The following CRYM variants were observed in gnomAD, a reference collection of about 807,000 sequenced individuals.
The protein encoded by CRYM is crystallin mu.
A neutral mutation model predicts 32.9 loss-of-function variants in CRYM; 18 were observed. The observed-to-expected ratio is 0.55, with a 90% confidence interval of 0.38 to 0.81. The LOEUF (loss-of-function observed/expected upper bound fraction) is 0.81. Among genes scored for constraint, CRYM ranks in the 30% least tolerant of loss-of-function variants. CRYM has a pLI of 0.00. For synonymous variants in CRYM, 153 were observed against 152.4 expected (o/e 1.00, Z -0.03); for missense variants, 337 against 393.5 (o/e 0.86, Z 1.21).
chr16:21,294,521 G>A (rs1960745086), intron 1 of CRYM, among the ~76,000 whole-genome samples: 2 of 151,734 alleles, frequency 1.3e-5, no homozygotes, highest in South Asian at 4.2e-4. Flanking sequence ...CCCCCTGACA[G>A]GTCTCAGTGT....
In CRYM at chr16:21,278,077, C is replaced by T; in HGVS notation, c.170+5G>A. 1.3e-6 allele frequency: 2 copies of T among 1,543,638 alleles called. No individual in the cohort carries two copies. Among genetic ancestry groups the T allele is most frequent in the Non-Finnish European group, 1.7e-6 (2 of 1,146,630 alleles). The stretch of plus-strand genomic sequence containing the variant: ...CTGCCCCTGACCCCGACCCTCCTCA[C>T]TCACCCCCTGTGCTTGGTCACCGGC... On this transcript the variant is annotated splice_donor_5th_base_variant and intron_variant, in intron 1 of 7. Coordinates refer to ENST00000572914, the MANE Select transcript of CRYM (RefSeq NM_001376256.1).
At chr16:21,295,674 T>C (rs1462629068) in intron 1 of CRYM, among the ~76,000 whole-genome samples, 2 of 152,254 alleles carry the variant, frequency 1.3e-5, no homozygotes, top group African/African-American at 4.8e-5. Context: ...GGTTCACGTC[T>C]ATAATCTCAG....
chr16:21,291,220 T>C (rs947045788), intron 1 of CRYM, among the ~76,000 whole-genome samples: 1 of 152,202 alleles, frequency 6.6e-6, no homozygotes, highest in African/African-American at 2.4e-5. Context: ...GATTCATTCC[T>C]GCTGGTACCC....
chr16:21,262,380 G>A, intron 5 of CRYM: 1 of 450,642 alleles, frequency 2.2e-6, no homozygotes, highest in Non-Finnish European at 4.2e-6. Flanking sequence ...CACTTTGGGA[G>A]GCTGAGGCAG....
upstream of CRYM, chr16:21,278,612 G>C: frequency 2.9e-6 from 1 of 341,828 alleles, no homozygotes; most frequent in Non-Finnish European, 5.5e-6. Flanking sequence ...GCTTTTTGCT[G>C]CTGTCTAGGT....
chr16:21,273,254 A>T (rs2093379790), intron 3 of CRYM, among the ~76,000 whole-genome samples: 1 of 152,176 alleles, frequency 6.6e-6, no homozygotes, highest in Non-Finnish European at 1.5e-5. Flanking sequence ...ATTCTCCCCA[A>T]CAAGAGCCCT....
chr16:21,286,810 G>T (rs2093408058), intron 1 of CRYM, among the ~76,000 whole-genome samples: 1 of 151,982 alleles, frequency 6.6e-6, no homozygotes, highest in Non-Finnish European at 1.5e-5. Context: ...TTAATTTTAG[G>T]CCGGGCGCAG....
Position 21,258,840 on chromosome 16 carries a change from C to T in CRYM, c.886G>A (p.Ala296Thr). ...KTTVFKSLGM[A>T]VEDTVAAKLI... ...TTGGCTGCAACTGTGTCTTCCACTG[C>T]CATTCCTAGAATAGACAGAAATTTG... The change falls in exon 8 of 8, where the codon GCA becomes ACA. Residue 296 changes from alanine (A) to threonine (T), a missense_variant. Coordinates refer to ENST00000572914, the MANE Select transcript of CRYM (RefSeq NM_001376256.1). The T allele has an allele frequency of 2.5e-6, 4 of 1,614,052 alleles. No homozygotes were observed. Among genetic ancestry groups the T allele is most frequent in the Non-Finnish European group, 3.4e-6 (4 of 1,179,966 alleles).
intron 1 of CRYM, among the ~76,000 whole-genome samples, chr16:21,286,029 C>G (rs12446309): frequency 0.016 from 2,425 of 152,240 alleles, 84 homozygotes; most frequent in East Asian, 0.078. Context: ...TTGCCCACTC[C>G]AATGGTGTGA....
chr16:21,297,793 T>G (rs944167960), intron 1 of CRYM, among the ~76,000 whole-genome samples: 3 of 152,122 alleles, frequency 2.0e-5, no homozygotes, highest in Admixed American at 6.6e-5. Flanking sequence ...GTCCTCTCAG[T>G]AAACATAGAA....
At chr16:21,261,738 G>A in intron 6 of CRYM, 1 of 472,464 alleles carries the variant, frequency 2.1e-6, no homozygotes, top group Admixed American at 3.4e-5. Context: ...GCCACATTGG[G>A]AAGGTTTCCA....
intron 1 of CRYM, among the ~76,000 whole-genome samples, chr16:21,289,599 C>G (rs1960564255): frequency 6.6e-6 from 1 of 152,126 alleles, no homozygotes; most frequent in Non-Finnish European, 1.5e-5. Flanking sequence ...AGACATACTT[C>G]TACCATTTTG....
intron 1 of CRYM, among the ~76,000 whole-genome samples, chr16:21,294,794 A>G (rs879516923): frequency 6.7e-6 from 1 of 148,224 alleles, no homozygotes; most frequent in Non-Finnish European, 1.5e-5. Context: ...TCCTGGGTTC[A>G]CACCATTCTT....
chr16:21,292,618 T>C (rs1960686955), intron 1 of CRYM, among the ~76,000 whole-genome samples: 1 of 152,184 alleles, frequency 6.6e-6, no homozygotes, highest in Non-Finnish European at 1.5e-5. Flanking sequence ...TATCCAAAAA[T>C]ATATATTTTC....
At chr16:21,293,928 G>C (rs962878923) in intron 1 of CRYM, among the ~76,000 whole-genome samples, 2 of 152,130 alleles carry the variant, frequency 1.3e-5, no homozygotes, top group Non-Finnish European at 2.9e-5. Context: ...GAAAATTCCT[G>C]TCCCTCACCT....
chr16:21,295,722 C>G (rs1960775293), intron 1 of CRYM, among the ~76,000 whole-genome samples: 1 of 152,168 alleles, frequency 6.6e-6, no homozygotes. Context: ...CACCTGAGGT[C>G]AGGAGTTTGA....
At chr16:21,272,297 GTTTCATTTGC>G (rs1367924511) in intron 3 of CRYM, among the ~76,000 whole-genome samples, 1 of 152,140 alleles carries the variant, frequency 6.6e-6, no homozygotes. Context: ...CTGAAAGTCT[GTTTCATTTGC>G]ATTTGCCAAG....
intron 1 of CRYM, among the ~76,000 whole-genome samples, chr16:21,289,981 A>C (rs1960581138): frequency 6.8e-6 from 1 of 147,928 alleles, no homozygotes; most frequent in Non-Finnish European, 1.5e-5. Flanking sequence ...AGGATTGTAA[A>C]TGGACCAATC....
At chr16:21,295,671 G>C (rs766263513) in intron 1 of CRYM, among the ~76,000 whole-genome samples, 2 of 152,196 alleles carry the variant, frequency 1.3e-5, no homozygotes, top group Non-Finnish European at 2.9e-5. Context: ...GGTGGTTCAC[G>C]TCTATAATCT....
Sources: allele counts gnomAD v4.1 joint callset (sites outside exome capture counted in the v4.1 genomes callset), GRCh38; gene constraint gnomAD v4.1.1; transcripts MANE v1.5; gene names NCBI Gene and HGNC (gene_info 2026-07-23, HGNC 2026-07-21).